CDH18: variants seen among roughly 807,000 people sequenced by gnomAD.
CDH18 encodes cadherin 18.
A neutral mutation model predicts 67.9 loss-of-function variants in CDH18; 31 were observed. The observed-to-expected ratio is 0.46, with a 90% CI of 0.34 to 0.62. CDH18 has a LOEUF of 0.62. Among genes scored for constraint, CDH18 ranks in the 20% least tolerant of loss-of-function variants. The pLI, the probability that CDH18 is intolerant of heterozygous loss-of-function variation, is 0.01. For missense variants in CDH18, 890 were observed against 975.5 expected (o/e 0.91, Z 1.17); for synonymous variants, 362 against 347.2 (o/e 1.04, Z -0.48).
intron 1 of CDH18, among the ~76,000 whole-genome samples, chr5:20,531,457 T>G (rs555026085): frequency 6.6e-6 from 1 of 152,210 alleles, no homozygotes; most frequent in African/African-American, 2.4e-5. Flanking sequence ...ATTGGAGCAC[T>G]GTTCACAATA....
At chr5:20,463,104 C>G (rs1318266873) in intron 1 of CDH18, among the ~76,000 whole-genome samples, 1 of 152,086 alleles carries the variant, frequency 6.6e-6, no homozygotes, top group Non-Finnish European at 1.5e-5. Context: ...GAATTCCATT[C>G]TGATTCGATC....
chr5:19,716,883 A>C (rs932525963), intron 5 of CDH18, among the ~76,000 whole-genome samples: 1 of 152,078 alleles, frequency 6.6e-6, no homozygotes, highest in African/African-American at 2.4e-5. Flanking sequence ...TTACATTAAG[A>C]TATGTAAAGA....
intron 1 of CDH18, among the ~76,000 whole-genome samples, chr5:20,493,981 C>G (rs529775965): frequency 6.7e-5 from 10 of 150,108 alleles, no homozygotes; most frequent in Admixed American, 6.6e-4. Context: ...CAGTGGCTCA[C>G]GCCTGTAATC....
At chr5:20,308,650 C>A (rs1452273335) in intron 1 of CDH18, among the ~76,000 whole-genome samples, 1 of 151,946 alleles carries the variant, frequency 6.6e-6, no homozygotes, top group Non-Finnish European at 1.5e-5. Flanking sequence ...ATAAAAGAAC[C>A]TACTAAGTTA....
intron 2 of CDH18, among the ~76,000 whole-genome samples, chr5:19,913,070 C>A (rs552234037): frequency 9.2e-5 from 14 of 151,932 alleles, no homozygotes; most frequent in African/African-American, 3.4e-4. Context: ...AAGAAAGAAT[C>A]AAGAAAAATG....
At chr5:19,642,299 G>T (rs900609286) in intron 5 of CDH18, among the ~76,000 whole-genome samples, 2 of 151,714 alleles carry the variant, frequency 1.3e-5, no homozygotes, top group Non-Finnish European at 2.9e-5. Flanking sequence ...AAATCCCAAT[G>T]ACTTTCTTTA....
At chr5:20,013,637 T>G (rs1180044103) in intron 2 of CDH18, among the ~76,000 whole-genome samples, 1 of 152,148 alleles carries the variant, frequency 6.6e-6, no homozygotes, top group Non-Finnish European at 1.5e-5. Flanking sequence ...GTCTTCTAAT[T>G]CATCATTTTC....
intron 1 of CDH18, among the ~76,000 whole-genome samples, chr5:20,448,092 C>G (rs1264145425): frequency 1.3e-5 from 2 of 151,878 alleles, no homozygotes; most frequent in Non-Finnish European, 2.9e-5. Flanking sequence ...GTGATGTTCC[C>G]CTTCCCATAT....
At chr5:19,664,822 A>G (rs1243811296) in intron 5 of CDH18, among the ~76,000 whole-genome samples, 1 of 151,956 alleles carries the variant, frequency 6.6e-6, no homozygotes, top group African/African-American at 2.4e-5. Flanking sequence ...AGCTCTTAAA[A>G]CTAAGGCATA....
At chr5:19,803,701 AC>A (rs1366626968) in intron 3 of CDH18, 2 of 152,230 alleles carry the variant, frequency 1.3e-5, no homozygotes, top group Non-Finnish European at 2.9e-5. Context: ...TCAATAAAAT[AC>A]ATTTCTTATT....
chr5:20,574,142 A>C, intron 1 of CDH18, among the ~76,000 whole-genome samples: 1 of 151,584 alleles, frequency 6.6e-6, no homozygotes, highest in Admixed American at 6.6e-5. Flanking sequence ...TACTTGCATT[A>C]TTAGGAAGCA....
chr5:19,962,460 T>C (rs890424019), intron 2 of CDH18, among the ~76,000 whole-genome samples: 11 of 148,484 alleles, frequency 7.4e-5, no homozygotes. Flanking sequence ...TTACATTGCA[T>C]AGCATTGTAT....
intron 5 of CDH18, among the ~76,000 whole-genome samples, chr5:19,719,903 GAGAAAGAA>G (rs35867851): frequency 0.16 from 20,422 of 130,802 alleles, 1,804 homozygotes; most frequent in South Asian, 0.23. Context: ...AGTTAAGCAA[GAGAAAGAA>G]AGAAAGAAAG....
intron 3 of CDH18, among the ~76,000 whole-genome samples, chr5:19,821,399 C>CA (rs1190692588): frequency 2.8e-5 from 3 of 107,090 alleles, no homozygotes; most frequent in South Asian, 2.9e-4. Flanking sequence ...AACCAAAAAA[C>CA]AAAAAACAAA....
chr5:20,120,420 C>T (rs1035480837), intron 2 of CDH18, among the ~76,000 whole-genome samples: 9 of 152,076 alleles, frequency 5.9e-5, no homozygotes, highest in African/African-American at 2.2e-4. Flanking sequence ...ATTATTTCTA[C>T]TTTACAGATA....
intron 2 of CDH18, among the ~76,000 whole-genome samples, chr5:20,112,692 G>A (rs1311550411): frequency 2.6e-5 from 4 of 152,050 alleles, no homozygotes; most frequent in Non-Finnish European, 4.4e-5. Flanking sequence ...CCAGCCTGGC[G>A]ATAGAGGGAG....
At chr5:19,946,512 T>C (rs896152639) in intron 2 of CDH18, among the ~76,000 whole-genome samples, 4 of 152,176 alleles carry the variant, frequency 2.6e-5, no homozygotes, top group Admixed American at 6.6e-5. Flanking sequence ...TCATCTGATA[T>C]GGTGCTAAAT....
At chr5:19,965,353 G>T (rs1270979689) in intron 2 of CDH18, among the ~76,000 whole-genome samples, 4 of 152,012 alleles carry the variant, frequency 2.6e-5, no homozygotes, top group Non-Finnish European at 4.4e-5. Flanking sequence ...TACATAGAGT[G>T]GATTTTCTCC....
chr5:19,973,805 C>G (rs1911839), intron 2 of CDH18, among the ~76,000 whole-genome samples: 91,808 of 151,810 alleles, frequency 0.6, 28,158 homozygotes, highest in Middle Eastern at 0.74. Flanking sequence ...TCAAGTTGGA[C>G]AGGAAGGCTA....
Sources: allele counts gnomAD v4.1 joint callset (sites outside exome capture counted in the v4.1 genomes callset), GRCh38; gene constraint gnomAD v4.1.1; transcripts MANE v1.5; gene names NCBI Gene and HGNC (gene_info 2026-07-23, HGNC 2026-07-21).